The following CDH20 variants were observed in gnomAD, a reference collection of about 807,000 sequenced individuals.
The protein encoded by CDH20 is cadherin-20.
Under a neutral mutation model 74.2 loss-of-function variants are expected in CDH20, and 29 were observed. The ratio of observed to expected loss-of-function variants is 0.39; its 90% CI spans 0.29 to 0.53. CDH20 has a LOEUF of 0.53. Ranked by LOEUF, CDH20 falls within the 20% of genes least tolerant of loss-of-function variation. The pLI, the probability that CDH20 is intolerant of heterozygous loss-of-function variation, is 0.69. For synonymous variants in CDH20, 469 were observed against 405.4 expected (o/e 1.16, Z -1.88); for missense variants, 988 against 1,048.3 (o/e 0.94, Z 0.79).
intron 1 of CDH20, among the ~76,000 whole-genome samples, chr18:61,350,652 T>C (rs1226419060): frequency 2.0e-5 from 3 of 152,206 alleles, no homozygotes. Context: ...CAAGTCTCAG[T>C]GGCTTCACAC....
At chr18:61,463,529 G>A (rs1394154354) in intron 1 of CDH20, among the ~76,000 whole-genome samples, 1 of 152,196 alleles carries the variant, frequency 6.6e-6, no homozygotes, top group Non-Finnish European at 1.5e-5. Context: ...GTTTGGAAGG[G>A]CATAAGAGGG....
intron 1 of CDH20, among the ~76,000 whole-genome samples, chr18:61,371,402 T>C (rs1163079424): frequency 6.6e-6 from 1 of 152,070 alleles, no homozygotes; most frequent in Non-Finnish European, 1.5e-5. Context: ...CACTACAATC[T>C]TCTTTGAGGT....
chr18:61,536,179 A>G (rs368361668), intron 7 of CDH20, among the ~76,000 whole-genome samples: 1 of 152,222 alleles, frequency 6.6e-6, no homozygotes, highest in South Asian at 2.1e-4. Context: ...GGATGTCCCA[A>G]AATTCTTGGG....
At chr18:61,407,536 G>T (rs555198434) in intron 1 of CDH20, among the ~76,000 whole-genome samples, 2 of 152,130 alleles carry the variant, frequency 1.3e-5, no homozygotes, top group African/African-American at 2.4e-5. Context: ...ACCAAATTAC[G>T]CAGGATCTTA....
At chr18:61,541,257 TA>T (rs943410812) in intron 9 of CDH20, among the ~76,000 whole-genome samples, 61 of 151,574 alleles carry the variant, frequency 4.0e-4, no homozygotes, top group Non-Finnish European at 7.5e-4. Context: ...TTTGGGTCTT[TA>T]TTTTAATAAT....
At chr18:61,453,671 C>T (rs1308026565) in intron 1 of CDH20, among the ~76,000 whole-genome samples, 1 of 152,176 alleles carries the variant, frequency 6.6e-6, no homozygotes, top group Non-Finnish European at 1.5e-5. Context: ...GTATTTTCTA[C>T]TTTGTGGAGG....
intron 1 of CDH20, among the ~76,000 whole-genome samples, chr18:61,349,699 C>G (rs1455680851): frequency 1.3e-5 from 2 of 150,296 alleles, no homozygotes; most frequent in Non-Finnish European, 3.0e-5. Flanking sequence ...CCAAATGCAG[C>G]AACATCCTAA....
chr18:61,390,811 T>C (rs185083000), intron 1 of CDH20, among the ~76,000 whole-genome samples: 10 of 152,230 alleles, frequency 6.6e-5, no homozygotes, highest in Admixed American at 5.2e-4. Flanking sequence ...GCTTGCTAAA[T>C]AAATAAGTAT....
chr18:61,373,034 T>C (rs537384651), intron 1 of CDH20, among the ~76,000 whole-genome samples: 1 of 152,142 alleles, frequency 6.6e-6, no homozygotes, highest in Non-Finnish European at 1.5e-5. Context: ...ATCTCTAGAC[T>C]CTGTGGGCTC....
intron 1 of CDH20, among the ~76,000 whole-genome samples, chr18:61,446,040 G>C (rs769069670): frequency 6.6e-6 from 1 of 152,138 alleles, no homozygotes; most frequent in African/African-American, 2.4e-5. Flanking sequence ...CATCCCAAGA[G>C]AGAGACAGAC....
rs908864981 is a variant in CDH20 at position 61,353,212 on chromosome 18, G to A, written c.-153+19385G>A. ...CATAACAAAGCTCAGAGTTTTTAGC[G>A]TGGCATTAGTTTCTCCACCATCTAC... On this transcript the variant is annotated intron_variant, in intron 1 of 11. Transcript: ENST00000262717. This position sits in a 1 kb window ranked among gnomAD's most constrained non-coding sequence, Gnocchi z 4.6. Among the ~76,000 whole-genome samples, 6 of 152,152 alleles carry A rather than the reference G, an allele frequency of 3.9e-5. No individual in the cohort carries two copies. The East Asian group carries it at 7.7e-4, about 20-fold the overall frequency.
intron 7 of CDH20, among the ~76,000 whole-genome samples, chr18:61,535,742 T>A (rs149618921): frequency 2.6e-5 from 4 of 152,190 alleles, no homozygotes; most frequent in South Asian, 2.1e-4. Context: ...GTAGAAGCAA[T>A]GGACGAAGTG....
At chr18:61,469,454 C>T (rs1208138197) in intron 1 of CDH20, among the ~76,000 whole-genome samples, 1 of 152,112 alleles carries the variant, frequency 6.6e-6, no homozygotes, top group African/African-American at 2.4e-5. Context: ...TTGTCACACA[C>T]ACAGGTGATC....
chr18:61,545,246 TACCAGCAGGGAGGA>T, intron 10 of CDH20, 102 bp downstream of exon 10: 1 of 776,904 alleles, frequency 1.3e-6, no homozygotes, highest in Admixed American at 1.8e-5. Context: ...ACCTGTTCCA[TACCAGCAGGGAGGA>T]TGTTAATAAT....
chr18:61,403,660 T>C (rs1033799302), intron 1 of CDH20, among the ~76,000 whole-genome samples: 7 of 152,212 alleles, frequency 4.6e-5, no homozygotes, highest in East Asian at 3.9e-4. Flanking sequence ...GCTATATCAC[T>C]GGTTAGAAGT....
chr18:61,351,171 A>G (rs898332111), intron 1 of CDH20, among the ~76,000 whole-genome samples: 3 of 152,200 alleles, frequency 2.0e-5, no homozygotes, highest in Non-Finnish European at 2.9e-5. Flanking sequence ...GGAAGACACA[A>G]TGTAGCAGTA....
chr18:61,340,852 T>A (rs1909925017), intron 1 of CDH20, among the ~76,000 whole-genome samples: 1 of 152,252 alleles, frequency 6.6e-6, no homozygotes, highest in African/African-American at 2.4e-5. Flanking sequence ...GAAATTTCAT[T>A]TAGAAGTAAT....
At chr18:61,524,491 T>G (rs1045397224) in intron 6 of CDH20, among the ~76,000 whole-genome samples, 2 of 152,164 alleles carry the variant, frequency 1.3e-5, no homozygotes, top group Admixed American at 6.5e-5. Flanking sequence ...CACAAAAACC[T>G]CTATGTAAAT....
At chr18:61,428,063 T>C (rs1913132100) in intron 1 of CDH20, among the ~76,000 whole-genome samples, 2 of 152,188 alleles carry the variant, frequency 1.3e-5, no homozygotes, top group Admixed American at 1.3e-4. Flanking sequence ...TCAAATGCTG[T>C]AAGATTGGCA....
Sources: gnomAD v4.1 joint callset for allele counts (sites outside exome capture counted in the v4.1 genomes callset) on GRCh38, gnomAD v4.1.1 for gene constraint, Gnocchi (gnomAD v3.1) non-coding constraint, MANE v1.5 for transcripts, NCBI Gene and HGNC (gene_info 2026-07-23, HGNC 2026-07-21) for gene names.